Variants in PDGFRL observed in about 807,000 individuals in gnomAD.
PDGFRL encodes platelet derived growth factor receptor like.
A neutral mutation model predicts 37.2 loss-of-function variants in PDGFRL; 46 were observed. That is an observed-to-expected ratio of 1.24 (90% CI 0.98 to 1.58). The LOEUF (loss-of-function observed/expected upper bound fraction) is 1.58. PDGFRL is among the 40% of genes most tolerant of loss of function. The probability of loss-of-function intolerance (pLI) is 0.00; values close to 1 mark genes in which losing one functional copy is unlikely to be tolerated. For missense variants in PDGFRL, 692 were observed against 467.6 expected (o/e 1.48, Z -4.43); for synonymous variants, 251 against 184.3 (o/e 1.36, Z -2.93).
At chr8:17,603,235 C>A (rs1267436254) in intron 2 of PDGFRL, among the ~76,000 whole-genome samples, 2 of 152,178 alleles carry the variant, frequency 1.3e-5, no homozygotes, top group African/African-American at 4.8e-5. Flanking sequence ...CCACCCACCA[C>A]CTGGGCCTCG....
chr8:17,601,526 T>C (rs1804165894), intron 2 of PDGFRL, among the ~76,000 whole-genome samples: 2 of 151,816 alleles, frequency 1.3e-5, no homozygotes, highest in East Asian at 2.0e-4. Context: ...CGTGGGTAAA[T>C]TGCATGTCAC....
At chr8:17,579,132 G>A (rs13271571) in intron 1 of PDGFRL, among the ~76,000 whole-genome samples, 40,883 of 151,994 alleles carry the variant, frequency 0.27, 5,727 homozygotes, top group Middle Eastern at 0.38. Context: ...GGGAGGCAGA[G>A]GTTGCAGTGA....
intron 5 of PDGFRL, among the ~76,000 whole-genome samples, chr8:17,637,920 T>C (rs1383196137): frequency 7.9e-5 from 2 of 25,276 alleles, no homozygotes; most frequent in East Asian, 3.2e-3. Context: ...TAATATCTTG[T>C]TTCATTTCTA....
intron 3 of PDGFRL, 84 bp from the exon 4 acceptor site, chr8:17,628,403 C>A: frequency 9.9e-7 from 1 of 1,010,954 alleles, no homozygotes; most frequent in South Asian, 1.4e-5. Flanking sequence ...ACTCAGTATT[C>A]AGAGTATGCT....
intron 5 of PDGFRL, among the ~76,000 whole-genome samples, chr8:17,638,776 T>TATATAA (rs1554556063): frequency 5.4e-4 from 57 of 106,024 alleles, no homozygotes; most frequent in South Asian, 3.7e-3. Flanking sequence ...TATATATATA[T>TATATAA]ATATATATAT....
At chr8:17,610,180 A>G (rs1240418718) in intron 2 of PDGFRL, among the ~76,000 whole-genome samples, 1 of 152,176 alleles carries the variant, frequency 6.6e-6, no homozygotes, top group East Asian at 1.9e-4. Flanking sequence ...CTCATCTTCC[A>G]GGGCCGATTC....
intron 3 of PDGFRL, among the ~76,000 whole-genome samples, chr8:17,623,845 A>T (rs1368586642): frequency 6.9e-6 from 1 of 145,372 alleles, no homozygotes; most frequent in Admixed American, 7.1e-5. Flanking sequence ...CTGCACTCCA[A>T]CCTGGGCGAC....
intron 2 of PDGFRL, among the ~76,000 whole-genome samples, chr8:17,609,356 A>G (rs1342798294): frequency 1.3e-5 from 2 of 151,806 alleles, no homozygotes; most frequent in African/African-American, 4.8e-5. Context: ...AAAATACAAA[A>G]TTTAGCCAGG....
intron 4 of PDGFRL, among the ~76,000 whole-genome samples, chr8:17,629,196 C>T (rs770263993): frequency 4.0e-5 from 6 of 151,472 alleles, no homozygotes; most frequent in Non-Finnish European, 8.8e-5. Context: ...TCCCAGAGTG[C>T]CGAGATTACA....
chr8:17,596,368 G>T, intron 2 of PDGFRL: 3 of 1,215,076 alleles, frequency 2.5e-6, no homozygotes, highest in East Asian at 5.8e-5. Flanking sequence ...CCGCAGGACC[G>T]GCCCTGCCTC....
intron 4 of PDGFRL, among the ~76,000 whole-genome samples, chr8:17,632,387 CTGGAG>C (rs1486441703): frequency 2.0e-5 from 3 of 151,610 alleles, no homozygotes; most frequent in African/African-American, 7.3e-5. Flanking sequence ...GTTGCCCAGG[CTGGAG>C]TGCAGTGGTG....
chr8:17,603,015 C>G (rs2720483), intron 2 of PDGFRL, among the ~76,000 whole-genome samples: 150,943 of 152,298 alleles, frequency 0.99, 74,812 homozygotes, highest in Middle Eastern at 1. Flanking sequence ...ACAGAGTCTT[C>G]TTTCTTGCCC....
intron 4 of PDGFRL, among the ~76,000 whole-genome samples, chr8:17,633,337 C>G (rs776923993): frequency 6.6e-6 from 1 of 152,156 alleles, no homozygotes; most frequent in South Asian, 2.1e-4. Flanking sequence ...ATGGCTTGAG[C>G]TTTCCTCCAG....
At position 17,634,192 on chromosome 8, in the gene PDGFRL, C is replaced by A; in HGVS notation, c.918C>A (p.Thr306=). The change falls in exon 5 of 6, where the codon ACC becomes ACA. Residue 306 remains threonine, a synonymous_variant. Coordinates refer to ENST00000251630, the MANE Select transcript of PDGFRL (RefSeq NM_001372073.1). ...AGCCCGATGTGGAGGTGGAGTTCACCTGGATCTTCCCAGGGCAGAAGGTAA... is the reference window on the plus strand; with the variant it reads ...AGCCCGATGTGGAGGTGGAGTTCACATGGATCTTCCCAGGGCAGAAGGTAA... ...LGEPDVEVEF[T]WIFPGQKDER... 1 of 1,613,138 alleles carries A rather than the reference C, an allele frequency of 6.2e-7. No homozygotes were observed. The highest frequency in any genetic ancestry group is 1.3e-5 in the African/African-American group (1 of 75,036).
In PDGFRL at chr8:17,628,484, C is replaced by T. The variant is rs191266546; in HGVS notation, c.506-3C>T. 2.0e-3 allele frequency: 3,268 copies of T among 1,610,476 alleles called. 10 individuals carry two copies. The highest frequency in any genetic ancestry group is 2.6e-3 in the Non-Finnish European group (3,028 of 1,176,690). ...TAAGCCTGTGTCTTCCTTCCCTTTGCAGAGAAAGGAGAACTCTTTGTACCT... is the reference window on the plus strand; with the variant it reads ...TAAGCCTGTGTCTTCCTTCCCTTTGTAGAGAAAGGAGAACTCTTTGTACCT... On this transcript the variant is annotated splice_region_variant and splice_polypyrimidine_tract_variant and intron_variant, in intron 3 of 5. Transcript: ENST00000251630.
At chr8:17,610,159 C>T (rs986168062) in intron 2 of PDGFRL, among the ~76,000 whole-genome samples, 1 of 152,174 alleles carries the variant, frequency 6.6e-6, no homozygotes, top group Non-Finnish European at 1.5e-5. Flanking sequence ...CTCCTTTGTC[C>T]TCTGTCCTCA....
In PDGFRL at chr8:17,642,697, A is replaced by G. The variant is rs200632507; in HGVS notation, c.1024A>G (p.Ile342Val). ...GHTTRISQSV[I>V]TVEDFETIDA... ...CACCACGAGAATCTCCCAGAGTGTC[A>G]TTACAGTGGAAGACTTTGAGACGAT... Residue 342 changes from isoleucine (I) to valine (V), a missense_variant, in exon 6 of 6, where the codon ATT becomes GTT. Coordinates refer to ENST00000251630, the MANE Select transcript of PDGFRL (RefSeq NM_001372073.1). 1.2e-6 allele frequency: 2 copies of G among 1,602,764 alleles called. No individual in the cohort carries two copies. The highest frequency in any genetic ancestry group is 1.7e-5 in the Admixed American group (1 of 60,030).
chr8:17,594,272 G>C (rs1172188234), intron 2 of PDGFRL, among the ~76,000 whole-genome samples: 2 of 152,108 alleles, frequency 1.3e-5, no homozygotes, highest in African/African-American at 4.8e-5. Flanking sequence ...ACGGAGTCTT[G>C]CTCTGTCACC....
At chr8:17,576,559 A>G, upstream of PDGFRL, 1 of 175,914 alleles carries the variant, frequency 5.7e-6, no homozygotes. Flanking sequence ...TCCTGCTCAT[A>G]CCCTAGCCCG....
Sources: allele counts gnomAD v4.1 joint callset (sites outside exome capture counted in the v4.1 genomes callset), GRCh38; gene constraint gnomAD v4.1.1; transcripts MANE v1.5; gene names NCBI Gene and HGNC (gene_info 2026-07-23, HGNC 2026-07-21).